CIROZ: variants seen among roughly 807,000 people sequenced by gnomAD.
CIROZ encodes the protein ciliated left-right organizer protein containing ZP-N domains.
the CIROZ span, chr1:10,948,566 C>T: frequency 1.7e-5 from 27 of 1,614,050 alleles, no homozygotes; most frequent in Middle Eastern, 1.6e-4. Flanking sequence ...GTTCAGGCCT[C>T]GGGGCTGGCG....
At chr1:10,980,823 C>A in the CIROZ span, among the ~76,000 whole-genome samples, 3 of 152,208 alleles carry the variant, frequency 2.0e-5, no homozygotes. Flanking sequence ...TGGGGGGAGA[C>A]ATGATGCTCC....
chr1:10,963,761 G>A, the CIROZ span, among the ~76,000 whole-genome samples: 1 of 151,640 alleles, frequency 6.6e-6, no homozygotes, highest in Non-Finnish European at 1.5e-5. Flanking sequence ...ATCCAAACTA[G>A]CAAATTTAGC....
chr1:10,947,779 C>A, the CIROZ span: 1 of 1,598,466 alleles, frequency 6.3e-7, no homozygotes, highest in African/African-American at 1.3e-5. Flanking sequence ...AGTGAGGCCC[C>A]CCGGCCAGCC....
At chr1:10,956,874 C>T in the CIROZ span, 2 of 667,756 alleles carry the variant, frequency 3.0e-6, no homozygotes, top group Admixed American at 6.3e-5. Flanking sequence ...TTGTCCCGAG[C>T]ATTTCTGAAA....
chr1:10,973,307 A>C, the CIROZ span, among the ~76,000 whole-genome samples: 1 of 152,188 alleles, frequency 6.6e-6, no homozygotes, highest in Non-Finnish European at 1.5e-5. Context: ...TGGGAGGTGG[A>C]GGCTGCAGTG....
chr1:10,956,544 C>T, the CIROZ span, among the ~76,000 whole-genome samples: 1 of 151,262 alleles, frequency 6.6e-6, no homozygotes, highest in Non-Finnish European at 1.5e-5. Context: ...GGCACCATCT[C>T]GGCTCACTGC....
At chr1:10,948,415 G>A in the CIROZ span, 2 of 1,613,252 alleles carry the variant, frequency 1.2e-6, no homozygotes. Context: ...ATGGGCTCAG[G>A]TGCAGCCACA....
At chr1:10,953,499 C>T in the CIROZ span, among the ~76,000 whole-genome samples, 11 of 152,226 alleles carry the variant, frequency 7.2e-5, no homozygotes, top group African/African-American at 2.4e-4. Context: ...AAACAAGTTG[C>T]ATCGTGTCGT....
chr1:10,968,024 G>A, the CIROZ span, among the ~76,000 whole-genome samples: 17 of 151,376 alleles, frequency 1.1e-4, no homozygotes, highest in South Asian at 1.3e-3. Context: ...TCGGCGCGGT[G>A]GGGGGGCACC....
the CIROZ span, among the ~76,000 whole-genome samples, chr1:10,978,342 C>G: frequency 6.6e-6 from 1 of 151,966 alleles, no homozygotes; most frequent in East Asian, 2.0e-4. Context: ...AGCCACTGCA[C>G]CGAGCCCCCA....
At chr1:10,962,993 G>C in the CIROZ span, among the ~76,000 whole-genome samples, 6 of 152,034 alleles carry the variant, frequency 3.9e-5, no homozygotes, top group East Asian at 1.2e-3. Context: ...GGTGTCATAC[G>C]CCTATAGTCC....
At chr1:10,960,518 G>A in the CIROZ span, among the ~76,000 whole-genome samples, 1 of 152,360 alleles carries the variant, frequency 6.6e-6, no homozygotes. This position sits in a 1 kb window ranked among gnomAD's most constrained non-coding sequence, Gnocchi z 4.6. Context: ...TGGACATTCC[G>A]CAGGAGCTCG....
the CIROZ span, among the ~76,000 whole-genome samples, chr1:10,974,174 C>T: frequency 1.3e-5 from 2 of 152,116 alleles, no homozygotes; most frequent in Non-Finnish European, 2.9e-5. The surrounding 1 kb of genome is among the most constrained non-coding windows in gnomAD (Gnocchi z 4.4). Flanking sequence ...GCCGGGCTGC[C>T]AGTCCCCTGG....
the CIROZ span, among the ~76,000 whole-genome samples, chr1:10,974,429 C>T: frequency 6.6e-6 from 1 of 152,128 alleles, no homozygotes; most frequent in Non-Finnish European, 1.5e-5. The surrounding 1 kb of genome is among the most constrained non-coding windows in gnomAD (Gnocchi z 4.4). Context: ...CTGCTGACAG[C>T]TGCAGAGACC....
chr1:10,955,980 T>C, the CIROZ span, among the ~76,000 whole-genome samples: 1 of 152,266 alleles, frequency 6.6e-6, no homozygotes, highest in Admixed American at 6.5e-5. Flanking sequence ...TCTGCCTTTA[T>C]ATAAAGGGAT....
the CIROZ span, chr1:10,948,953 G>A: frequency 6.4e-6 from 7 of 1,093,474 alleles, no homozygotes; most frequent in Admixed American, 3.2e-5. Context: ...GACCGGGTGC[G>A]GTGGCTCACG....
At chr1:10,973,127 C>G in the CIROZ span, among the ~76,000 whole-genome samples, 1 of 152,140 alleles carries the variant, frequency 6.6e-6, no homozygotes, top group African/African-American at 2.4e-5. Flanking sequence ...AATCCCAACA[C>G]TCTGGGATGC....
the CIROZ span, chr1:10,947,582 C>A: frequency 9.1e-6 from 11 of 1,207,754 alleles, no homozygotes; most frequent in African/African-American, 1.7e-4. Flanking sequence ...ACCTCCAGGC[C>A]GACCCATCAC....
chr1:10,979,865 T>C, the CIROZ span, among the ~76,000 whole-genome samples: 1 of 152,136 alleles, frequency 6.6e-6, no homozygotes, highest in South Asian at 2.1e-4. Context: ...CTAGCCAACA[T>C]GGTGAAACCC....
Sources: gnomAD v4.1 joint callset for allele counts (sites outside exome capture counted in the v4.1 genomes callset) on GRCh38, gnomAD v4.1.1 for gene constraint, Gnocchi (gnomAD v3.1) non-coding constraint, MANE v1.5 for transcripts, NCBI Gene and HGNC (gene_info 2026-07-23, HGNC 2026-07-21) for gene names.